Variants in SBF1 observed in about 807,000 individuals in gnomAD.
The protein encoded by SBF1 is myotubularin-related protein 5.
SBF1 carries 65 observed loss-of-function variants against 215.8 expected under a neutral mutation model. The observed-to-expected ratio is 0.30, with a 90% confidence interval of 0.25 to 0.37. The LOEUF is 0.37. Among genes scored for constraint, SBF1 ranks in the 10% least tolerant of loss-of-function variants. The pLI is 1.00. For missense variants in SBF1, 2,634 were observed against 2,667.8 expected, an observed-to-expected ratio of 0.99 and a Z score of 0.28; for synonymous variants, 1,410 against 1,122.8, an observed-to-expected ratio of 1.26 and a Z score of -5.11.
intron 1 of SBF1, among the ~76,000 whole-genome samples, chr22:50,469,941 G>C (rs1603434983): frequency 6.6e-6 from 1 of 152,198 alleles, no homozygotes; most frequent in African/African-American, 2.4e-5. Flanking sequence ...GTGGGAGATG[G>C]TGGGGCGGTG....
Position 50,461,706 on chromosome 22 carries a change from G to T in SBF1, c.2656C>A (p.Arg886=). 1 of 1,609,524 alleles carries T rather than the reference G, an allele frequency of 6.2e-7. No homozygotes were observed. ...TCCTCACCCGGCAGCAGGCGCGGCC[G>T]CAGCAGCTTGGGCTGCTCGAAAACA... is the stretch of plus-strand genomic sequence containing the variant. ...LPPIQKPKLL[R]PRLLPGEECV... is the part of the protein sequence containing the mutation. The change falls in exon 22 of 41, where the codon CGG becomes AGG. Residue 886 remains arginine (R), a synonymous_variant. Coordinates refer to ENST00000380817, the MANE Select transcript of SBF1 (RefSeq NM_002972.4).
intron 36 of SBF1, among the ~76,000 whole-genome samples, chr22:50,453,538 A>C (rs555219854): frequency 6.6e-6 from 1 of 152,374 alleles, no homozygotes; most frequent in East Asian, 1.9e-4. Context: ...CTGTAATCCC[A>C]GCACTTTGGG....
Position 50,461,701 on chromosome 22 carries a change from C to T in SBF1, c.2661G>A (p.Pro887=), listed in dbSNP as rs773683768. The T allele has an allele frequency of 9.9e-6, 16 of 1,609,622 alleles. No individual in the cohort carries two copies. The Middle Eastern group carries it at 5.0e-4, about 50-fold the overall frequency. ...CACACTCCTCACCCGGCAGCAGGCG[C>T]GGCCGCAGCAGCTTGGGCTGCTCGA... The part of the protein sequence containing the change: ...PPIQKPKLLR[P]RLLPGEECVL... The change falls in exon 22 of 41, where the codon CCG becomes CCA. Residue 887 remains proline, a synonymous_variant. Coordinates refer to ENST00000380817, the MANE Select transcript of SBF1 (RefSeq NM_002972.4).
In SBF1 at chr22:50,465,317, C is replaced by T. The variant is rs975479376; in HGVS notation, c.1101G>A (p.Leu367=). 2.5e-6 allele frequency: 4 copies of T among 1,591,386 alleles called. No individual in the cohort carries two copies. The highest frequency in any genetic ancestry group is 3.4e-6 in the Non-Finnish European group (4 of 1,169,938). ...CGAACAGCCGCAGGAAGACCGCGCGCAGCTCCTTGTCCTGGGAGAAGAGCT... is the reference window on the plus strand; with the variant it reads ...CGAACAGCCGCAGGAAGACCGCGCGTAGCTCCTTGTCCTGGGAGAAGAGCT... The part of the protein sequence containing the change: ...TSSLKMQDKE[L]RAVFLRLFAQ... Residue 367 remains leucine (L), a synonymous_variant, in exon 11 of 41, where the codon CTG becomes CTA. Coordinates refer to ENST00000380817, the MANE Select transcript of SBF1 (RefSeq NM_002972.4).
chr22:50,452,846 T>G (rs954481022), intron 36 of SBF1, among the ~76,000 whole-genome samples: 1 of 151,984 alleles, frequency 6.6e-6, no homozygotes, highest in African/African-American at 2.4e-5. Flanking sequence ...GTAAGGCTCT[T>G]CTGGTGTCAA....
In SBF1 at chr22:50,454,578, G is replaced by A. The variant is rs190945041; in HGVS notation, c.4977C>T (p.Arg1659=). 505 of 1,611,620 alleles carry A rather than the reference G, an allele frequency of 3.1e-4. No individual in the cohort carries two copies. Among genetic ancestry groups the A allele is most frequent in the Middle Eastern group, 6.6e-4 (4 of 6,042 alleles). Residue 1659 remains arginine, a synonymous_variant, in exon 36 of 41, where the codon CGC becomes CGT. Coordinates refer to ENST00000380817, the MANE Select transcript of SBF1 (RefSeq NM_002972.4). ...SDGGAPQSRR[R]VVWPCYDSCP... is the part of the protein sequence containing the mutation. ...AGCTGTCGTAACAGGGCCACACCAC[G>A]CGGCGCCTGCTCTGGGGAGCGCCTC...
rs763361339 is a variant in SBF1 at position 50,462,378 on chromosome 22, C to T, written c.2223G>A (p.Lys741=). 6.2e-7 allele frequency: 1 copy of T among 1,614,154 alleles called. No homozygotes were observed. The highest frequency in any genetic ancestry group is 1.1e-5 in the South Asian group (1 of 91,088). The change falls in exon 19 of 41, where the codon AAG becomes AAA. Residue 741 remains lysine, a synonymous_variant. Transcript: ENST00000380817. ...RRLWPTLSRE[K]QQELVQKEES... is the part of the protein sequence containing the mutation. ...CCTCCTTCTGCACCAGCTCCTGCTG[C>T]TTCTCACGACTCAGAGTTGGCCACA...
chr22:50,449,625 A>ACAC (rs1556417419), intron 36 of SBF1, among the ~76,000 whole-genome samples: 3,700 of 146,894 alleles, frequency 0.025, 68 homozygotes, highest in Non-Finnish European at 0.037. Flanking sequence ...AAAACACACA[A>ACAC]ACACACACAC....
intron 36 of SBF1, among the ~76,000 whole-genome samples, chr22:50,452,656 A>G (rs1247990202): frequency 1.4e-5 from 2 of 138,610 alleles, no homozygotes; most frequent in African/African-American, 5.4e-5. Context: ...TCAGAGGCAG[A>G]GGTTGCAGTG....
At position 50,447,100 on chromosome 22, in the gene SBF1, G is replaced by A. The variant is rs372702763; in HGVS notation, c.*42C>T. 9.7e-5 allele frequency: 151 copies of A among 1,559,908 alleles called. No homozygotes were observed. The highest frequency in any genetic ancestry group is 1.4e-4 in the African/African-American group (10 of 73,964). ...GCGGCCCTGCCCACCCCTAGTGGTC[G>A]GTAACGACCGGAAGCAGAGCAGCCG... On this transcript the variant is annotated 3_prime_UTR_variant, in exon 41 of 41. Transcript: ENST00000380817.
Position 50,457,019 on chromosome 22 carries a change from G to T in SBF1, c.3904+15C>A. ...AAGTAAGGGGAGGCGGGCCTGCGCA[G>T]GCTCGGTACGGTACCTCGGGGTGCG... is the stretch of plus-strand genomic sequence containing the variant. On this transcript the variant is annotated intron_variant, in intron 29 of 40. Coordinates refer to ENST00000380817, the MANE Select transcript of SBF1 (RefSeq NM_002972.4). The T allele has an allele frequency of 2.8e-6, 4 of 1,419,906 alleles. No homozygotes were observed. The highest frequency in any genetic ancestry group is 3.7e-6 in the Non-Finnish European group (4 of 1,087,280). The allele number at this position is 1,419,906 out of a possible 1,614,324, so 88.0% of individuals were successfully genotyped here.
rs1449087671 is a variant in SBF1, at chr22:50,468,346, C to T, written c.141+30G>A. 4.4e-6 allele frequency: 7 copies of T among 1,604,138 alleles called. No homozygotes were observed. The South Asian group carries it at 5.5e-5, about 13-fold the overall frequency. ...GTGCCCACCTGCCCTCCCCACCTGC[C>T]AGCACCGTCTCAGCACGCCCCCAAC... On this transcript the variant is annotated intron_variant, in intron 2 of 40. Coordinates refer to ENST00000380817, the MANE Select transcript of SBF1 (RefSeq NM_002972.4).
chr22:50,459,798 C>T (rs2067423471), intron 26 of SBF1, 132 bp from the exon 27 acceptor site: 2 of 1,316,152 alleles, frequency 1.5e-6, no homozygotes, highest in Non-Finnish European at 2.1e-6. Context: ...CGGGGCCCCC[C>T]AGCCACCCCC....
intron 39 of SBF1, 25 bp from the exon 40 acceptor site, chr22:50,447,478 G>A (rs1456137198): frequency 1.9e-6 from 3 of 1,611,878 alleles, no homozygotes; most frequent in Middle Eastern, 1.7e-4. Context: ...AGAGTCAGCG[G>A]AGCCCCCTCC....
At chr22:50,468,483 C>G in intron 1 of SBF1, 22 bp from the exon 2 acceptor site, 1 of 1,545,924 alleles carries the variant, frequency 6.5e-7, no homozygotes, top group Non-Finnish European at 8.8e-7. Flanking sequence ...AACAGGGGGT[C>G]AGAGCACCCA....
Position 50,474,950 on chromosome 22 carries a change from A to AC in SBF1, c.-111dup. On this transcript the variant is annotated 5_prime_UTR_variant, in exon 1 of 41. The change abolishes the stop of an existing upstream ORF in the 5' untranslated region. Transcript: ENST00000380817. ...CGGCCCTGGACCGCGCACCCCGGAC[A>AC]CCCCTGGTTCGCTCCGCGGCGGCGG... 1 of 703,936 alleles carries AC rather than the reference A, an allele frequency of 1.4e-6. No individual in the cohort carries two copies. The highest frequency in any genetic ancestry group is 1.9e-6 in the Non-Finnish European group (1 of 538,072). 43.6% of individuals were successfully genotyped at this position (703,936 alleles called of 1,614,324 possible). A position where few individuals can be genotyped will look rare whatever the true frequency, so the allele number is the denominator to read the frequency against.
intron 15 of SBF1, among the ~76,000 whole-genome samples, chr22:50,463,862 G>A (rs988888684): frequency 4.6e-5 from 7 of 152,200 alleles, no homozygotes; most frequent in African/African-American, 9.7e-5. Flanking sequence ...TGAAAAACAA[G>A]AGTCTCCAAC....
chr22:50,451,294 A>G (rs1034413405), intron 36 of SBF1, among the ~76,000 whole-genome samples: 1 of 152,080 alleles, frequency 6.6e-6, no homozygotes, highest in Admixed American at 6.6e-5. Context: ...GCAGTGAGCC[A>G]TGACTGTGCC....
At chr22:50,474,210 T>G (rs1033024196) in intron 1 of SBF1, among the ~76,000 whole-genome samples, 1 of 152,170 alleles carries the variant, frequency 6.6e-6, no homozygotes, top group African/African-American at 2.4e-5. Flanking sequence ...CTCTCTACTC[T>G]CGACGCTTCC....
Sources: gnomAD v4.1 joint callset for allele counts (sites outside exome capture counted in the v4.1 genomes callset) on GRCh38, gnomAD v4.1.1 for gene constraint, MANE v1.5 for transcripts, NCBI Gene and HGNC (gene_info 2026-07-23, HGNC 2026-07-21) for gene names.